Variants in PRPF31 observed in about 807,000 individuals in gnomAD.
PRPF31 encodes the protein pre-mRNA processing factor 31.
In PRPF31, 12 loss-of-function variants were observed where a neutral mutation model predicts 60.4. The ratio of observed to expected loss-of-function variants is 0.20; its 90% CI spans 0.13 to 0.32. PRPF31 has a LOEUF of 0.32. PRPF31 is among the 10% of genes least tolerant of loss of function. PRPF31 has a pLI of 1.00. For missense variants in PRPF31, 431 were observed against 687.1 expected (o/e 0.63, Z 4.17); for synonymous variants, 287 against 287.9 (o/e 1.00, Z 0.03).
chr19:54,128,394 G>A lies in PRPF31; in HGVS notation c.1146+17G>A, dbSNP rs940321360. On this transcript the variant is annotated intron_variant, in intron 11 of 13. Coordinates refer to ENST00000321030, the MANE Select transcript of PRPF31 (RefSeq NM_015629.4). ...TTCGGAGAGGTCAGACTCCCAGAGC[G>A]CCCTCCTCAACCCCACAGCCAGCCA... 1.7e-5 allele frequency: 27 copies of A among 1,545,004 alleles called. No individual in the cohort carries two copies. The highest frequency in any genetic ancestry group is 4.9e-5 in the East Asian group (2 of 40,774).
rs587602485 is a variant in PRPF31, at chr19:54,127,974, T to A, written c.946-99T>A. ...CGGTGAGGCAGCATTAGGTGCTGATTTAACTAAGGCACGTGGATACTCGGG... is the reference window on the plus strand; with the variant it reads ...CGGTGAGGCAGCATTAGGTGCTGATATAACTAAGGCACGTGGATACTCGGG... On this transcript the variant is annotated intron_variant, in intron 9 of 13. Transcript: ENST00000321030. The A allele has an allele frequency of 2.6e-5, 40 of 1,511,500 alleles. No homozygotes were observed. In the East Asian group the frequency reaches 9.8e-4, roughly 37 times the overall value. The allele number at this position is 1,511,500 out of a possible 1,614,324, so 93.6% of individuals were successfully genotyped here. A position where few individuals can be genotyped will look rare whatever the true frequency, so the allele number is the denominator to read the frequency against.
At chr19:54,126,727 A>G in intron 9 of PRPF31, 110 bp downstream of exon 9, 1 of 1,125,172 alleles carries the variant, frequency 8.9e-7, no homozygotes, top group Non-Finnish European at 1.3e-6. Context: ...CTGTCCTACC[A>G]AGGCGGAGGC....
At chr19:54,117,179 G>A (rs202010735) in intron 1 of PRPF31, among the ~76,000 whole-genome samples, 6 of 152,146 alleles carry the variant, frequency 3.9e-5, no homozygotes, top group East Asian at 3.8e-4. Context: ...ACCTGGAGGC[G>A]GGAAGAGACC....
intron 1 of PRPF31, 96 bp from the exon 2 acceptor site, chr19:54,118,172 AAAG>A: frequency 1.3e-6 from 2 of 1,563,356 alleles, no homozygotes; most frequent in Admixed American, 1.7e-5. Flanking sequence ...TGGGGTTGAT[AAAG>A]AAGGACCAGG....
Position 54,127,796 on chromosome 19 carries a change from TG to T in PRPF31, c.946-272del, listed in dbSNP as rs375460935. 5.1e-3 allele frequency among the ~76,000 whole-genome samples: 770 copies of T among 152,288 alleles called. 8 individuals carry two copies. The highest frequency in any genetic ancestry group is 0.017 in the African/African-American group (715 of 41,558). On this transcript the variant is annotated intron_variant, in intron 9 of 13. Transcript: ENST00000321030. ...CCCCATCTCACCCCTGGTCTGGGTG[TG>T]GGGGTGCAGCTGTGAGTAGCACAGA...
At chr19:54,130,067 C>T (rs587674803) in intron 13 of PRPF31, among the ~76,000 whole-genome samples, 1,928 of 127,902 alleles carry the variant, frequency 0.015, 17 homozygotes, top group Non-Finnish European at 0.022. Context: ...AATGCCAGGC[C>T]GGGCGCAGAC....
chr19:54,127,032 A>C (rs1251824456), intron 9 of PRPF31, among the ~76,000 whole-genome samples: 1 of 152,202 alleles, frequency 6.6e-6, no homozygotes, highest in Non-Finnish European at 1.5e-5. Context: ...AGGCAGGAGA[A>C]TTGCTTGAAC....
chr19:54,124,097 C>G, intron 7 of PRPF31, 179 bp downstream of exon 7: 1 of 1,279,632 alleles, frequency 7.8e-7, no homozygotes, highest in Non-Finnish European at 1.1e-6. Context: ...GTGGGAAAAA[C>G]ACTCACCCAC....
rs767457999 is a variant in PRPF31, at chr19:54,118,249, G to A, written c.-8-22G>A. ...GACTTTGTCGGGGCAAGTTTTTAGG[G>A]AACGCTGCTGTCCCTCCCCAGGCCT... On this transcript the variant is annotated intron_variant, in intron 1 of 13. Coordinates refer to ENST00000321030, the MANE Select transcript of PRPF31 (RefSeq NM_015629.4). 3.7e-6 allele frequency: 6 copies of A among 1,612,182 alleles called. No individual in the cohort carries two copies. In the South Asian group the frequency reaches 6.6e-5, roughly 18 times the overall value.
Position 54,121,708 on chromosome 19 carries a change from G to A in PRPF31, c.239-152G>A, listed in dbSNP as rs2073793520. ...GATTGAAGGCAGGAACACAAGTTCA[G>A]GGATGTCTGCAGACATCAGCCTGTC... On this transcript the variant is annotated intron_variant, in intron 3 of 13. Transcript: ENST00000321030. 3 of 747,970 alleles carry A rather than the reference G, an allele frequency of 4.0e-6. No homozygotes were observed. The Admixed American group carries it at 6.0e-5, about 15-fold the overall frequency. 46.3% of individuals were successfully genotyped at this position (747,970 alleles called of 1,614,324 possible). A position where few individuals can be genotyped will look rare whatever the true frequency, so the allele number is the denominator to read the frequency against.
intron 1 of PRPF31, among the ~76,000 whole-genome samples, chr19:54,116,151 T>G (rs1024652163): frequency 1.3e-5 from 2 of 151,084 alleles, no homozygotes; most frequent in Non-Finnish European, 2.9e-5. Flanking sequence ...TCCGCCCGCC[T>G]CGGCCTCCCA....
In PRPF31 at chr19:54,124,602, G is replaced by A. The variant is rs2146425755; in HGVS notation, c.801G>A (p.Val267=). The change falls in exon 8 of 14, where the codon GTG becomes GTA. Residue 267 remains valine (V), a synonymous_variant. Coordinates refer to ENST00000321030, the MANE Select transcript of PRPF31 (RefSeq NM_015629.4). ...KTLSGFSSTS[V]LPHTGYIYHS... ...TGTCGGGCTTCTCGTCTACCTCAGTGCTGCCCCACACCGGCTACATCTACC... is the reference window on the plus strand; with the variant it reads ...TGTCGGGCTTCTCGTCTACCTCAGTACTGCCCCACACCGGCTACATCTACC... 5.0e-6 allele frequency: 8 copies of A among 1,613,632 alleles called. No homozygotes were observed. The highest frequency in any genetic ancestry group is 6.8e-6 in the Non-Finnish European group (8 of 1,180,022).
At chr19:54,123,414 G>C (rs1366368038) in intron 5 of PRPF31, 40 bp from the exon 6 acceptor site, 1 of 1,510,658 alleles carries the variant, frequency 6.6e-7, no homozygotes, top group African/African-American at 1.4e-5. Context: ...GAGCCTTCCT[G>C]AGTTCCCGAG....
intron 1 of PRPF31, among the ~76,000 whole-genome samples, chr19:54,116,967 G>A (rs1305539383): frequency 1.3e-5 from 2 of 152,102 alleles, no homozygotes; most frequent in African/African-American, 2.4e-5. Context: ...GTGCTGGTGC[G>A]TGCCTGTCAT....
intron 11 of PRPF31, among the ~76,000 whole-genome samples, 158 bp downstream of exon 11, chr19:54,128,535 C>G (rs587697547): frequency 6.7e-6 from 1 of 148,700 alleles, no homozygotes; most frequent in African/African-American, 2.5e-5. Flanking sequence ...CGTTTCCATC[C>G]GTTCAGCCCC....
At position 54,123,172 on chromosome 19, in the gene PRPF31, C is replaced by T. The variant is rs587598886; in HGVS notation, c.421-282C>T. 51 of 569,622 alleles carry T rather than the reference C, an allele frequency of 9.0e-5. 1 individual carries two copies. The highest frequency in any genetic ancestry group is 7.9e-4 in the South Asian group (39 of 49,426). 35.3% of individuals were successfully genotyped at this position (569,622 alleles called of 1,614,324 possible). A position where few individuals can be genotyped will look rare whatever the true frequency, so the allele number is the denominator to read the frequency against. ...GCCGCGGATTTGCACTCCGACTTGA[C>T]GCAGGCCAGAGGCTTGTGAGGCCAC... On this transcript the variant is annotated intron_variant, in intron 5 of 13. Coordinates refer to ENST00000321030, the MANE Select transcript of PRPF31 (RefSeq NM_015629.4).
intron 3 of PRPF31, among the ~76,000 whole-genome samples, chr19:54,121,528 A>G (rs2073789244): frequency 6.6e-6 from 1 of 152,250 alleles, no homozygotes; most frequent in Admixed American, 6.5e-5. Context: ...CAGGCACAGC[A>G]CTGGTCCCTG....
At position 54,131,439 on chromosome 19, in the gene PRPF31, G is replaced by A. The variant is rs183791126; in HGVS notation, c.*7G>A. The A allele has an allele frequency of 1.8e-4, 286 of 1,614,060 alleles. 3 individuals carry two copies. In the African/African-American group the frequency reaches 3.4e-3, roughly 19 times the overall value. On this transcript the variant is annotated 3_prime_UTR_variant, in exon 14 of 14. Coordinates refer to ENST00000321030, the MANE Select transcript of PRPF31 (RefSeq NM_015629.4). ...TGGCCTTATGTCCACCTGAATGACT[G>A]CGTGTGTCCAAGGTGGCTTCCCACT...
rs1171949219 is a variant in PRPF31, at chr19:54,118,370, C to T, written c.92C>T (p.Ala31Val). ...TATGGGGAGGAAGAAGAGGAGCCAG[C>T]GATCGAGGATGTGCAGGAGGAGACA... ...GSYGEEEEEP[A>V]IEDVQEETQL... The change falls in exon 2 of 14, where the codon GCG (alanine) becomes GTG (valine). Residue 31 changes from alanine to valine, a missense_variant. Around this residue, in one of 4 missense-constraint regions of PRPF31, gnomAD observed 113 missense variants for 173.8 expected, o/e 0.65. Transcript: ENST00000321030. The T allele has an allele frequency of 5.6e-6, 9 of 1,613,794 alleles. No individual in the cohort carries two copies. Among genetic ancestry groups the T allele is most frequent in the Middle Eastern group, 1.7e-4 (1 of 6,030 alleles).
Sources: gnomAD v4.1 joint callset for allele counts (sites outside exome capture counted in the v4.1 genomes callset) on GRCh38, gnomAD v4.1.1 for gene constraint, gnomAD v4.1.1 regional missense constraint, MANE v1.5 for transcripts, NCBI Gene and HGNC (gene_info 2026-07-23, HGNC 2026-07-21) for gene names.